KHK: variants seen among roughly 807,000 people sequenced by gnomAD.
The protein encoded by KHK is fructokinase.
Under a neutral mutation model 36.0 loss-of-function variants are expected in KHK, and 37 were observed. The observed-to-expected ratio is 1.03, with a 90% CI of 0.79 to 1.35. The LOEUF is 1.35. Among genes scored for constraint, KHK ranks in the 40% most tolerant of loss-of-function variants. KHK has a pLI of 0.00. For missense variants in KHK, 395 were observed against 391.9 expected (o/e 1.01, Z -0.07); for synonymous variants, 161 against 162.8 (o/e 0.99, Z 0.08).
chr2:27,089,373 A>G (rs1488853909), intron 1 of KHK, among the ~76,000 whole-genome samples: 1 of 152,148 alleles, frequency 6.6e-6, no homozygotes, highest in Non-Finnish European at 1.5e-5. Context: ...AGGACATGGC[A>G]CTCAGTGAGG....
chr2:27,096,717 C>G lies in KHK; in HGVS notation c.345-12C>G, dbSNP rs185395180. 6.2e-7 allele frequency: 1 copy of G among 1,612,148 alleles called. No individual in the cohort carries two copies. The highest frequency in any genetic ancestry group is 8.5e-7 in the Non-Finnish European group (1 of 1,178,414). On this transcript the variant is annotated splice_polypyrimidine_tract_variant and intron_variant, in intron 3 of 7. Transcript: ENST00000260598. ...GCTCCTTCTTCTCTGTCTTTTCCAT[C>G]CTGTGACCTAGGAGCCTGCCAGATG... is the stretch of plus-strand genomic sequence containing the variant.
rs148679626 is a variant in KHK at position 27,094,863 on chromosome 2, G to A, written c.273G>A (p.Lys91=). 7.9e-5 allele frequency: 128 copies of A among 1,614,056 alleles called. No individual in the cohort carries two copies. In the African/African-American group the frequency reaches 1.4e-3, roughly 18 times the overall value. Residue 91 remains lysine (K), a synonymous_variant, in exon 3 of 8, where the codon AAG becomes AAA. Transcript: ENST00000260598. ...TGTCTCAGGTGGCCTGGCAGAGCAA[G>A]GGGGACACCCCCAGCTCCTGCTGCA... ...VDVSQVAWQS[K]GDTPSSCCII...
At chr2:27,093,678 G>A (rs1435046701) in intron 2 of KHK, among the ~76,000 whole-genome samples, 1 of 152,216 alleles carries the variant, frequency 6.6e-6, no homozygotes, top group Admixed American at 6.5e-5. Context: ...GAAAAGCCAG[G>A]ATGGTGGCTG....
At chr2:27,091,878 CAG>C (rs1404778827) in intron 1 of KHK, among the ~76,000 whole-genome samples, 1 of 152,030 alleles carries the variant, frequency 6.6e-6, no homozygotes, top group Non-Finnish European at 1.5e-5. Context: ...ACTCCTAACA[CAG>C]GGGTAGGTGT....
chr2:27,094,632 C>T, intron 2 of KHK, 168 bp from the exon 3 acceptor site: 2 of 1,614,060 alleles, frequency 1.2e-6, no homozygotes, highest in South Asian at 2.2e-5. Context: ...CTGTCTGTGC[C>T]TTGCCAGCTG....
intron 6 of KHK, 47 bp from the exon 7 acceptor site, chr2:27,099,373 G>T (rs758228868): frequency 6.2e-7 from 1 of 1,612,324 alleles, no homozygotes; most frequent in Non-Finnish European, 8.5e-7. Flanking sequence ...AGGATGGCTG[G>T]GGGGACGGGG....
At chr2:27,095,967 C>T (rs1055026304) in intron 3 of KHK, among the ~76,000 whole-genome samples, 1 of 152,276 alleles carries the variant, frequency 6.6e-6, no homozygotes, top group African/African-American at 2.4e-5. Context: ...TGGCCTCAGT[C>T]CAGGCACATT....
At position 27,087,080 on chromosome 2, in the gene KHK, G is replaced by C. The variant is rs985286809; in HGVS notation, c.-180G>C. The C allele has an allele frequency of 6.8e-6, 4 of 583,984 alleles. No homozygotes were observed. Among genetic ancestry groups the C allele is most frequent in the Non-Finnish European group, 1.2e-5 (4 of 326,098 alleles). The allele number at this position is 583,984 out of a possible 1,614,324, so 36.2% of individuals were successfully genotyped here. A position where few individuals can be genotyped will look rare whatever the true frequency, so the allele number is the denominator to read the frequency against. ...GGGTCTTCGGGTGTCGCGAGGAAGG[G>C]CCCTGCTCCTTTCGTTCCCTGCACC... On this transcript the variant is annotated 5_prime_UTR_variant, in exon 1 of 8. Transcript: ENST00000260598.
At chr2:27,095,322 T>TG (rs113876615) in intron 3 of KHK, among the ~76,000 whole-genome samples, 96 of 152,210 alleles carry the variant, frequency 6.3e-4, no homozygotes, top group African/African-American at 2.2e-3. Flanking sequence ...AGAAGGGCTG[T>TG]GGGGGGGTGC....
At chr2:27,093,187 G>A (rs1217042586) in intron 2 of KHK, among the ~76,000 whole-genome samples, 1 of 152,196 alleles carries the variant, frequency 6.6e-6, no homozygotes, top group African/African-American at 2.4e-5. Flanking sequence ...TTGAACCCTG[G>A]TTTGAAGGGG....
chr2:27,100,525 A>G lies in KHK; in HGVS notation c.*775A>G, dbSNP rs1428392796. 7 of 1,290,866 alleles carry G rather than the reference A, an allele frequency of 5.4e-6. No individual in the cohort carries two copies. Among genetic ancestry groups the G allele is most frequent in the Admixed American group, 4.6e-5 (2 of 43,536 alleles). 80.0% of individuals were successfully genotyped at this position (1,290,866 alleles called of 1,614,324 possible). ...CATATTGGAATTGGGGCCAACTCCAATATAGGGTGGGTAAGGCCTTATAAT... is the reference window on the plus strand; with the variant it reads ...CATATTGGAATTGGGGCCAACTCCAGTATAGGGTGGGTAAGGCCTTATAAT... On this transcript the variant is annotated 3_prime_UTR_variant, in exon 8 of 8. Coordinates refer to ENST00000260598, the MANE Select transcript of KHK (RefSeq NM_006488.3).
chr2:27,087,330 C>A lies in KHK; in HGVS notation c.71C>A (p.Pro24His). ...LDVISLVDKY[P>H]KEDSEIRCLS... ...GTCATCAGCCTGGTGGACAAGTACC[C>A]TAAGGAGGACTCGGAGATAAGGTAG... Residue 24 changes from proline (P) to histidine (H), a missense_variant, in exon 1 of 8, where the codon CCT becomes CAT. Transcript: ENST00000260598. 6.3e-7 allele frequency: 1 copy of A among 1,596,256 alleles called. No homozygotes were observed.
In KHK at chr2:27,099,243, A is replaced by C; in HGVS notation, c.612A>C (p.Ala204=). 6.2e-7 allele frequency: 1 copy of C among 1,614,180 alleles called. No individual in the cohort carries two copies. Among genetic ancestry groups the C allele is most frequent in the Non-Finnish European group, 8.5e-7 (1 of 1,180,048 alleles). The change falls in exon 6 of 8, where the codon GCA becomes GCC. Residue 204 remains alanine, a synonymous_variant. Transcript: ENST00000260598. The stretch of plus-strand genomic sequence containing the variant: ...CCAAGCACTTGGGGTTCCAGTCAGC[A>C]GAGGAAGCCTTGAGGGGCTTGTATG... ...DVAKHLGFQS[A]EEALRGLYGR...
At chr2:27,094,229 G>A (rs540942128) in intron 2 of KHK, 91 of 559,212 alleles carry the variant, frequency 1.6e-4, no homozygotes, top group South Asian at 1.6e-3. Flanking sequence ...AGTCAGGATC[G>A]GAGCATGCTT....
chr2:27,094,458 GGTTACTCC>G (rs1311760305), intron 2 of KHK: 1 of 1,612,308 alleles, frequency 6.2e-7, no homozygotes, highest in African/African-American at 1.3e-5. Flanking sequence ...ACCCCCTTCG[GGTTACTCC>G]GCCCTAGCAG....
chr2:27,090,372 C>CA (rs1553341826), intron 1 of KHK, among the ~76,000 whole-genome samples: 2 of 151,516 alleles, frequency 1.3e-5, no homozygotes, highest in East Asian at 3.9e-4. Context: ...GAGATTCCTC[C>CA]TTTTTTTTCA....
chr2:27,093,975 G>C (rs1670162631), intron 2 of KHK, among the ~76,000 whole-genome samples: 1 of 152,210 alleles, frequency 6.6e-6, no homozygotes, highest in Non-Finnish European at 1.5e-5. Context: ...CAGAGAGTGA[G>C]AGGAATCACA....
intron 5 of KHK, 159 bp from the exon 6 acceptor site, chr2:27,099,037 G>GA: frequency 4.0e-6 from 3 of 752,586 alleles, no homozygotes; most frequent in Admixed American, 1.9e-5. Context: ...AAAAAATAAA[G>GA]AAAAAAGAAA....
At chr2:27,094,056 A>C in intron 2 of KHK, 1 of 329,832 alleles carries the variant, frequency 3.0e-6, no homozygotes, top group Non-Finnish European at 6.0e-6. Context: ...CTGGGGGCAA[A>C]GTATTGCCTT....
Sources: allele counts gnomAD v4.1 joint callset (sites outside exome capture counted in the v4.1 genomes callset), GRCh38; gene constraint gnomAD v4.1.1; transcripts MANE v1.5; gene names NCBI Gene and HGNC (gene_info 2026-07-23, HGNC 2026-07-21).